The following LRRC53 variants were observed in gnomAD, a reference collection of about 807,000 sequenced individuals.
LRRC53 encodes leucine rich repeat containing 53.
A neutral mutation model predicts 13.6 loss-of-function variants in LRRC53; 25 were observed. That is an observed-to-expected ratio of 1.83 (90% CI 1.34 to 2.56). LRRC53 has a LOEUF of 2.56. Ranked by LOEUF, LRRC53 falls within the 30% of genes most tolerant of loss-of-function variation. LRRC53 has a pLI of 0.00. For missense variants in LRRC53, 527 were observed against 275.8 expected, an observed-to-expected ratio of 1.91 and a Z score of -6.45; for synonymous variants, 204 against 109.8, an observed-to-expected ratio of 1.86 and a Z score of -5.37.
At position 74,469,603 on chromosome 1, in the gene LRRC53, C is replaced by G. The variant is rs1019666499; in HGVS notation, c.*275G>C. 2.2e-5 allele frequency: 6 copies of G among 278,784 alleles called. No homozygotes were observed. Among genetic ancestry groups the G allele is most frequent in the Non-Finnish European group, 3.9e-5 (6 of 152,582 alleles). 17.3% of individuals were successfully genotyped at this position (278,784 alleles called of 1,614,324 possible). A position where few individuals can be genotyped will look rare whatever the true frequency, so the allele number is the denominator to read the frequency against. ...CTTTTTTTTTTTCAATGTTTGCTTG[C>G]TTTTGCAAGACTTGGCAAAACTTTT... On this transcript the variant is annotated 3_prime_UTR_variant, in exon 5 of 5. Transcript: ENST00000294635.
chr1:74,525,979 A>G, the LRRC53 span, among the ~76,000 whole-genome samples: 1 of 152,210 alleles, frequency 6.6e-6, no homozygotes, highest in South Asian at 2.1e-4. Flanking sequence ...TACACAGAGG[A>G]GGAGAGGAAA....
At chr1:74,505,389 C>G (rs1167314919) in intron 1 of LRRC53, among the ~76,000 whole-genome samples, 3 of 152,198 alleles carry the variant, frequency 2.0e-5, no homozygotes, top group Non-Finnish European at 4.4e-5. Context: ...AGCTGAATCT[C>G]TTGCTAGCAT....
Position 74,480,926 on chromosome 1 carries a change from T to G in LRRC53, c.131A>C (p.Tyr44Ser). 1 of 717,180 alleles carries G rather than the reference T, an allele frequency of 1.4e-6. No individual in the cohort carries two copies. Among genetic ancestry groups the G allele is most frequent in the Non-Finnish European group, 2.6e-6 (1 of 384,990 alleles). 44.4% of individuals were successfully genotyped at this position (717,180 alleles called of 1,614,324 possible). The change falls in exon 3 of 5, where the codon TAT (tyrosine) becomes TCT (serine). Residue 44 changes from tyrosine (Y) to serine (S), a missense_variant. By Grantham distance (144) the Tyr-to-Ser change is moderately radical (BLOSUM62 -2). Coordinates refer to ENST00000294635, the MANE Select transcript of LRRC53 (RefSeq NM_001382280.1). ...GTTTGTGCTCTCAATAGAGGAGAGA[T>G]ATCCATCGGTGATGATTAAAACCCT... ...TTRVLIITDG[Y>S]LSSIESTNLS... is the part of the protein sequence containing the mutation.
At chr1:74,510,316 C>T (rs775892140) in intron 1 of LRRC53, among the ~76,000 whole-genome samples, 10 of 152,056 alleles carry the variant, frequency 6.6e-5, no homozygotes, top group Non-Finnish European at 1.2e-4. Flanking sequence ...ACCATCCTGG[C>T]TAACATGGTG....
At chr1:74,479,749 C>T (rs980858963) in intron 3 of LRRC53, among the ~76,000 whole-genome samples, 4 of 152,174 alleles carry the variant, frequency 2.6e-5, no homozygotes, top group African/African-American at 9.7e-5. Context: ...AGTCTATGTC[C>T]CATCAGTTTT....
chr1:74,491,269 G>C (rs1299306854), intron 1 of LRRC53, among the ~76,000 whole-genome samples: 1 of 152,152 alleles, frequency 6.6e-6, no homozygotes, highest in African/African-American at 2.4e-5. Context: ...CTCCAGGCTG[G>C]AGTGCAGTGG....
At chr1:74,516,187 T>A (rs1036135404), upstream of LRRC53, among the ~76,000 whole-genome samples, 1 of 152,184 alleles carries the variant, frequency 6.6e-6, no homozygotes, top group Non-Finnish European at 1.5e-5. Context: ...GTCATTTATT[T>A]CTGTTCTGAA....
At chr1:74,485,479 C>T (rs992378023) in intron 1 of LRRC53, among the ~76,000 whole-genome samples, 5 of 152,128 alleles carry the variant, frequency 3.3e-5, no homozygotes, top group Non-Finnish European at 5.9e-5. Context: ...TTCTCTACTG[C>T]GTATTTGTGA....
the LRRC53 span, among the ~76,000 whole-genome samples, chr1:74,530,557 G>A: frequency 6.6e-6 from 1 of 152,110 alleles, no homozygotes; most frequent in African/African-American, 2.4e-5. Context: ...TAGAAGATCA[G>A]AATTCTAGGT....
At chr1:74,527,031 T>C in the LRRC53 span, among the ~76,000 whole-genome samples, 15 of 152,250 alleles carry the variant, frequency 9.9e-5, no homozygotes, top group Non-Finnish European at 1.5e-4. Flanking sequence ...AAAAGTTTGC[T>C]GATCCCTGCC....
intron 1 of LRRC53, among the ~76,000 whole-genome samples, chr1:74,500,603 C>CAAAAAA (rs561290319): frequency 6.9e-5 from 3 of 43,290 alleles, no homozygotes; most frequent in Non-Finnish European, 8.6e-5. Flanking sequence ...GACTCCGTCT[C>CAAAAAA]AAAAAAAAAA....
upstream of LRRC53, among the ~76,000 whole-genome samples, chr1:74,513,604 C>T (rs1177583486): frequency 6.6e-6 from 1 of 152,204 alleles, no homozygotes; most frequent in Non-Finnish European, 1.5e-5. Flanking sequence ...GCTGGCGCTA[C>T]TATGTGGGAG....
At chr1:74,512,101 C>T (rs1021637114) in intron 1 of LRRC53, among the ~76,000 whole-genome samples, 1 of 152,170 alleles carries the variant, frequency 6.6e-6, no homozygotes, top group African/African-American at 2.4e-5. Flanking sequence ...ATGAAAAGAT[C>T]TGGATGGGAC....
At chr1:74,514,639 AAG>A (rs1646322148), upstream of LRRC53, among the ~76,000 whole-genome samples, 1 of 152,158 alleles carries the variant, frequency 6.6e-6, no homozygotes, top group Admixed American at 6.5e-5. Flanking sequence ...CTGAGATAGT[AAG>A]GGGGGAAGCT....
rs1168380405 is a variant in LRRC53, at chr1:74,469,570, G to C, written c.*308C>G. On this transcript the variant is annotated 3_prime_UTR_variant, in exon 5 of 5. Transcript: ENST00000294635. ...ACTCTTCTTATGTAGTTTTTCATTT[G>C]TTTAAGGCTTTTTTTTTTTCAATGT... The C allele has an allele frequency of 6.1e-6, 1 of 164,006 alleles. No individual in the cohort carries two copies. Among genetic ancestry groups the C allele is most frequent in the African/African-American group, 5.7e-5 (1 of 17,624 alleles). 10.2% of individuals were successfully genotyped at this position (164,006 alleles called of 1,614,324 possible).
At chr1:74,480,014 A>C in intron 3 of LRRC53, 139 bp downstream of exon 3, 2 of 604,268 alleles carry the variant, frequency 3.3e-6, no homozygotes, top group Non-Finnish European at 5.9e-6. Flanking sequence ...AAATCAGCTA[A>C]TATCCTCCCA....
chr1:74,486,507 C>CT (rs397940623), intron 1 of LRRC53, among the ~76,000 whole-genome samples: 85,005 of 137,014 alleles, frequency 0.62, 26,293 homozygotes, highest in African/African-American at 0.73. Flanking sequence ...TTGTTTTTTG[C>CT]TTTTTTTTTT....
chr1:74,520,519 C>A, the LRRC53 span, among the ~76,000 whole-genome samples: 1 of 151,880 alleles, frequency 6.6e-6, no homozygotes. Context: ...GCCTCTGGCT[C>A]TTTTTCCCTC....
the LRRC53 span, among the ~76,000 whole-genome samples, chr1:74,520,143 C>T: frequency 1.8e-5 from 2 of 111,826 alleles, no homozygotes; most frequent in African/African-American, 6.8e-5. Flanking sequence ...GTCTTTTATC[C>T]CATACCCCCT....
Sources: gnomAD v4.1 joint callset for allele counts (sites outside exome capture counted in the v4.1 genomes callset) on GRCh38, gnomAD v4.1.1 for gene constraint, MANE v1.5 for transcripts, NCBI Gene and HGNC (gene_info 2026-07-23, HGNC 2026-07-21) for gene names.